GRM8: variants seen among roughly 807,000 people sequenced by gnomAD.
The protein encoded by GRM8 is metabotropic glutamate receptor 8.
A neutral mutation model predicts 87.2 loss-of-function variants in GRM8; 47 were observed. The ratio of observed to expected loss-of-function variants is 0.54; its 90% CI spans 0.43 to 0.69. The LOEUF (loss-of-function observed/expected upper bound fraction) is 0.69. Ranked by LOEUF, GRM8 falls within the 30% of genes least tolerant of loss-of-function variation. GRM8 has a pLI of 0.00. For synonymous variants in GRM8, 396 were observed against 404.5 expected (o/e 0.98, Z 0.25); for missense variants, 1,019 against 1,139.2 (o/e 0.89, Z 1.52).
At chr7:126,696,138 A>G (rs566621709) in intron 7 of GRM8, among the ~76,000 whole-genome samples, 1 of 152,302 alleles carries the variant, frequency 6.6e-6, no homozygotes, top group East Asian at 1.9e-4. Context: ...GAAATGCACA[A>G]GTGGATACAC....
At chr7:126,673,582 T>A (rs567133954) in intron 7 of GRM8, among the ~76,000 whole-genome samples, 69 of 152,198 alleles carry the variant, frequency 4.5e-4, no homozygotes, top group African/African-American at 1.6e-3. Context: ...TAGACAGGTG[T>A]GTGGGGCCGA....
Position 127,106,596 on chromosome 7 carries a change from G to A in GRM8, c.627C>T (p.Ile209=), listed in dbSNP as rs562607294. ...CATAATTCCATCCCAGTGCTGTCAC[G>A]ATGTCCACCATGGCTTGGGCTTGGT... ...DSYQAQAMVD[I]VTALGWNYVS... Residue 209 remains isoleucine (I), a synonymous_variant, in exon 3 of 11, where the codon ATC becomes ATT. Transcript: ENST00000339582. 1.8e-5 allele frequency: 29 copies of A among 1,613,910 alleles called. No homozygotes were observed. The East Asian group carries it at 5.3e-4, about 30-fold the overall frequency.
In GRM8 at chr7:127,242,732, A is replaced by G; in HGVS notation, c.473T>C (p.Val158Ala). The change falls in exon 2 of 11, where the codon GTG becomes GCG. Residue 158 changes from valine to alanine, a missense_variant. Coordinates refer to ENST00000339582, the MANE Select transcript of GRM8 (RefSeq NM_000845.3). ...TAAAATGTTAGCAACCATGATGGACACGGAGCTTGCTGCAGCACCTATGAC... is the reference window on the plus strand; with the variant it reads ...TAAAATGTTAGCAACCATGATGGACGCGGAGCTTGCTGCAGCACCTATGAC... ...SGVIGAAASS[V>A]SIMVANILRL... 6.2e-7 allele frequency: 1 copy of G among 1,614,234 alleles called. No individual in the cohort carries two copies. Among genetic ancestry groups the G allele is most frequent in the Non-Finnish European group, 8.5e-7 (1 of 1,180,030 alleles).
intron 8 of GRM8, among the ~76,000 whole-genome samples, chr7:126,561,625 T>C (rs975989653): frequency 1.3e-5 from 2 of 151,782 alleles, no homozygotes; most frequent in African/African-American, 4.8e-5. Context: ...TTATTATTTA[T>C]TTATTTAATT....
intron 2 of GRM8, among the ~76,000 whole-genome samples, chr7:127,148,508 G>T (rs1828670912): frequency 6.6e-6 from 1 of 151,584 alleles, no homozygotes; most frequent in Non-Finnish European, 1.5e-5. Context: ...CTGTCCAACA[G>T]CAGTATAATA....
chr7:126,848,900 A>C (rs1377594497), intron 6 of GRM8, among the ~76,000 whole-genome samples: 3 of 152,202 alleles, frequency 2.0e-5, no homozygotes, highest in African/African-American at 7.2e-5. Flanking sequence ...ATGGACTTAC[A>C]GTTACATATG....
chr7:127,242,203 G>C (rs924080031), intron 2 of GRM8, among the ~76,000 whole-genome samples: 2 of 151,804 alleles, frequency 1.3e-5, no homozygotes, highest in Non-Finnish European at 1.5e-5. Flanking sequence ...ATCTCCCAGA[G>C]TGTCACTCCC....
intron 3 of GRM8, among the ~76,000 whole-genome samples, chr7:126,957,651 G>A (rs1808861159): frequency 6.6e-6 from 1 of 152,208 alleles, no homozygotes; most frequent in Admixed American, 6.5e-5. Context: ...GACATGCCAG[G>A]CCCCTGCTGC....
intron 9 of GRM8, among the ~76,000 whole-genome samples, chr7:126,496,549 T>C (rs893935860): frequency 1.3e-5 from 2 of 151,830 alleles, no homozygotes; most frequent in Admixed American, 6.6e-5. Flanking sequence ...TGCACTTAGA[T>C]GCTAACAGAC....
rs564027070 is a variant in GRM8 at position 127,111,373 on chromosome 7, G to T, written c.511-4661C>A. Among the ~76,000 whole-genome samples the T allele has an allele frequency of 9.1e-4, 138 of 152,188 alleles. 3 individuals carry two copies. The South Asian group carries it at 0.027, about 30-fold the overall frequency. On this transcript the variant is annotated intron_variant, in intron 2 of 10. Transcript: ENST00000339582. ...AGTTAGCAGAGATTATTGTCTTCTA[G>T]TGTCTGTTCTCCTTCTAGATGAAAC...
At chr7:127,132,612 C>T (rs1195302440) in intron 2 of GRM8, among the ~76,000 whole-genome samples, 1 of 151,970 alleles carries the variant, frequency 6.6e-6, no homozygotes. Context: ...AGGAATCTCA[C>T]TTTATTTGAA....
chr7:127,049,564 G>C (rs1000168314), intron 3 of GRM8, among the ~76,000 whole-genome samples: 1 of 152,094 alleles, frequency 6.6e-6, no homozygotes, highest in Non-Finnish European at 1.5e-5. Flanking sequence ...CACAATCTTA[G>C]GTCTTGGGGA....
intron 7 of GRM8, among the ~76,000 whole-genome samples, chr7:126,670,609 CA>C (rs1806270049): frequency 6.6e-6 from 1 of 152,112 alleles, no homozygotes; most frequent in Admixed American, 6.5e-5. Flanking sequence ...ACAACTTTAA[CA>C]GGTACTTTCA....
chr7:127,050,615 G>T (rs1054154663), intron 3 of GRM8, among the ~76,000 whole-genome samples: 1 of 152,198 alleles, frequency 6.6e-6, no homozygotes, highest in Non-Finnish European at 1.5e-5. Context: ...GTCCAGAGAA[G>T]CCGAAGCATG....
intron 6 of GRM8, among the ~76,000 whole-genome samples, chr7:126,874,768 T>C (rs1399970892): frequency 6.6e-6 from 1 of 152,170 alleles, no homozygotes; most frequent in African/African-American, 2.4e-5. Context: ...GCCCATTTTC[T>C]TCCTATGAAT....
At chr7:126,660,272 C>A (rs2151276946) in intron 7 of GRM8, among the ~76,000 whole-genome samples, 1 of 152,238 alleles carries the variant, frequency 6.6e-6, no homozygotes, top group Admixed American at 6.5e-5. Context: ...GCTTTAATTT[C>A]TTTATCATAA....
intron 9 of GRM8, among the ~76,000 whole-genome samples, chr7:126,524,644 T>C (rs2150810172): frequency 6.6e-6 from 1 of 152,296 alleles, no homozygotes; most frequent in South Asian, 2.1e-4. Flanking sequence ...AGATATATAT[T>C]GGGATCTTGC....
intron 7 of GRM8, among the ~76,000 whole-genome samples, chr7:126,641,842 G>A (rs1742794288): frequency 6.6e-6 from 1 of 152,144 alleles, no homozygotes; most frequent in South Asian, 2.1e-4. Context: ...ACAAAGGTAT[G>A]AGGATCCAAA....
chr7:126,810,450 C>CTTAG (rs752903353), intron 6 of GRM8, among the ~76,000 whole-genome samples: 49 of 152,186 alleles, frequency 3.2e-4, no homozygotes, highest in Admixed American at 2.6e-4. Flanking sequence ...GTTGCACAGA[C>CTTAG]TTAGCCTCCT....
Sources: gnomAD v4.1 joint callset for allele counts (sites outside exome capture counted in the v4.1 genomes callset) on GRCh38, gnomAD v4.1.1 for gene constraint, MANE v1.5 for transcripts, NCBI Gene and HGNC (gene_info 2026-07-23, HGNC 2026-07-21) for gene names.